XKR4: variants seen among roughly 807,000 people sequenced by gnomAD.
XKR4 encodes XK related 4, also known as XK-related protein 4.
XKR4 carries 12 observed loss-of-function variants against 53.9 expected under a neutral mutation model. The ratio of observed to expected loss-of-function variants is 0.22; its 90% CI spans 0.14 to 0.36. The LOEUF is 0.36. XKR4 is among the 10% of genes least tolerant of loss of function. The probability of loss-of-function intolerance (pLI) is 1.00; values close to 1 mark genes in which losing one functional copy is unlikely to be tolerated. For missense variants in XKR4, 799 were observed against 859.5 expected (o/e 0.93, Z 0.88); for synonymous variants, 354 against 362.4 (o/e 0.98, Z 0.26).
chr8:55,388,131 C>A (rs1585550931), intron 2 of XKR4, among the ~76,000 whole-genome samples: 2 of 152,166 alleles, frequency 1.3e-5, no homozygotes, highest in East Asian at 1.9e-4. Flanking sequence ...GGAAGTCAAT[C>A]TCTTTCTACT....
At chr8:55,198,446 A>C (rs1585933330) in intron 1 of XKR4, among the ~76,000 whole-genome samples, 1 of 152,196 alleles carries the variant, frequency 6.6e-6, no homozygotes, top group East Asian at 1.9e-4. Context: ...GGTCTAAGTC[A>C]AGAAAAGTTA....
chr8:55,512,204 T>C (rs1013452417), intron 2 of XKR4, among the ~76,000 whole-genome samples: 5 of 152,146 alleles, frequency 3.3e-5, no homozygotes, highest in Non-Finnish European at 5.9e-5. Context: ...TTCACCCAAG[T>C]ATTGAGATAA....
At chr8:55,129,769 G>A (rs954689093) in intron 1 of XKR4, among the ~76,000 whole-genome samples, 2 of 152,142 alleles carry the variant, frequency 1.3e-5, no homozygotes, top group African/African-American at 4.8e-5. Context: ...AAAGGGTGAG[G>A]GAGGTGGTGG....
At chr8:55,458,082 C>A (rs1805597351) in intron 2 of XKR4, among the ~76,000 whole-genome samples, 1 of 152,180 alleles carries the variant, frequency 6.6e-6, no homozygotes, top group Non-Finnish European at 1.5e-5. Flanking sequence ...GAAACTCAAT[C>A]CATACGAAAA....
rs1807057362 is a variant in XKR4 at position 55,538,203 on chromosome 8, G to A, written c.*13976G>A. On this transcript the variant is annotated 3_prime_UTR_variant, in exon 3 of 3. Transcript: ENST00000327381. ...GAACTGGGAATCTCTGCACAACTGA[G>A]CCCTAATCCCTGGTCCATCTCTCCA... 6.6e-6 allele frequency: 1 copy of A among 152,206 alleles called. No homozygotes were observed. Among genetic ancestry groups the A allele is most frequent in the African/African-American group, 2.4e-5 (1 of 41,432 alleles). 9.4% of individuals were successfully genotyped at this position (152,206 alleles called of 1,614,324 possible).
At chr8:55,409,744 A>C (rs779721429) in intron 2 of XKR4, among the ~76,000 whole-genome samples, 7 of 152,184 alleles carry the variant, frequency 4.6e-5, no homozygotes, top group Non-Finnish European at 8.8e-5. Context: ...ATAAACACTG[A>C]AAATAAAAAT....
At chr8:55,329,464 T>G (rs1213232025) in intron 1 of XKR4, among the ~76,000 whole-genome samples, 1 of 152,090 alleles carries the variant, frequency 6.6e-6, no homozygotes, top group African/African-American at 2.4e-5. Flanking sequence ...CTTCTTCCAA[T>G]GTGGCCCAGG....
At chr8:55,116,865 A>C (rs1437944279) in intron 1 of XKR4, among the ~76,000 whole-genome samples, 1 of 152,022 alleles carries the variant, frequency 6.6e-6, no homozygotes, top group Non-Finnish European at 1.5e-5. Context: ...AGGTGTGGTC[A>C]CCCCACATGG....
At chr8:55,148,537 T>C (rs1176659882) in intron 1 of XKR4, among the ~76,000 whole-genome samples, 1 of 152,210 alleles carries the variant, frequency 6.6e-6, no homozygotes, top group Non-Finnish European at 1.5e-5. Context: ...CTTTTTCTTT[T>C]CAGTTATTGT....
At chr8:55,471,124 C>A (rs1039953992) in intron 2 of XKR4, among the ~76,000 whole-genome samples, 8 of 152,108 alleles carry the variant, frequency 5.3e-5, no homozygotes, top group South Asian at 2.1e-4. Context: ...TCCTTGAGGG[C>A]AGCAGCCACA....
intron 2 of XKR4, among the ~76,000 whole-genome samples, chr8:55,441,179 G>T (rs1485598720): frequency 6.6e-6 from 1 of 152,114 alleles, no homozygotes; most frequent in Non-Finnish European, 1.5e-5. Flanking sequence ...GGTTGAGGAT[G>T]CAGTGAACTG....
chr8:55,294,726 C>T (rs1819077667), intron 1 of XKR4, among the ~76,000 whole-genome samples: 2 of 152,146 alleles, frequency 1.3e-5, no homozygotes, highest in Non-Finnish European at 2.9e-5. Flanking sequence ...ATTTATTTGT[C>T]TAATATTCCT....
intron 1 of XKR4, among the ~76,000 whole-genome samples, chr8:55,145,966 G>A (rs1392758861): frequency 3.9e-5 from 6 of 152,240 alleles, no homozygotes; most frequent in Non-Finnish European, 8.8e-5. Flanking sequence ...TTAGGTTCAT[G>A]TGGTAATGTA....
chr8:55,228,936 C>T (rs577508001), intron 1 of XKR4, among the ~76,000 whole-genome samples: 95 of 151,830 alleles, frequency 6.3e-4, no homozygotes, highest in Non-Finnish European at 1.2e-3. Context: ...AAAGAAAAGC[C>T]TCTGAAAAAC....
intron 1 of XKR4, among the ~76,000 whole-genome samples, chr8:55,105,658 A>G (rs1816133587): frequency 6.6e-6 from 1 of 152,198 alleles, no homozygotes; most frequent in Non-Finnish European, 1.5e-5. Context: ...CATCTAATCT[A>G]ACTATTCTCA....
intron 2 of XKR4, among the ~76,000 whole-genome samples, chr8:55,369,562 AAGGG>A (rs1244620267): frequency 2.6e-3 from 291 of 113,004 alleles, no homozygotes; most frequent in African/African-American, 7.7e-3. Context: ...AAAGGGAAGG[AAGGG>A]AGGGAGGGAG....
Position 55,469,006 on chromosome 8 carries a change from T to C in XKR4, c.1007-54275T>C, listed in dbSNP as rs920939077. Among the ~76,000 whole-genome samples the C allele has an allele frequency of 3.9e-5, 6 of 152,158 alleles. 1 individual carries two copies. The highest frequency in any genetic ancestry group is 1.4e-4 in the African/African-American group (6 of 41,392). ...ACTTGGTTTCCATATTTATTGGATT[T>C]GTACCACAGTCCTTGGTATGCAGGC... On this transcript the variant is annotated intron_variant, in intron 2 of 2. Transcript: ENST00000327381.
rs190734872 is a variant in XKR4 at position 55,528,697 on chromosome 8, G to A, written c.*4470G>A. On this transcript the variant is annotated 3_prime_UTR_variant, in exon 3 of 3. Transcript: ENST00000327381. ...ATGGTGAAAACACAGGAGGACTGGGGTGGTCATTCCTATAATTTCAGTGAC... is the reference window on the plus strand; with the variant it reads ...ATGGTGAAAACACAGGAGGACTGGGATGGTCATTCCTATAATTTCAGTGAC... 6.6e-6 allele frequency: 1 copy of A among 152,264 alleles called. No homozygotes were observed. Among genetic ancestry groups the A allele is most frequent in the East Asian group, 1.9e-4 (1 of 5,184 alleles). The allele number at this position is 152,264 out of a possible 1,614,324, so 9.4% of individuals were successfully genotyped here. A position where few individuals can be genotyped will look rare whatever the true frequency, so the allele number is the denominator to read the frequency against.
At chr8:55,182,283 A>T (rs538644820) in intron 1 of XKR4, among the ~76,000 whole-genome samples, 13 of 151,070 alleles carry the variant, frequency 8.6e-5, no homozygotes, top group African/African-American at 2.7e-4. Flanking sequence ...CAGTTTATCA[A>T]TTTTTTTCTT....
Sources: gnomAD v4.1 joint callset for allele counts (sites outside exome capture counted in the v4.1 genomes callset) on GRCh38, gnomAD v4.1.1 for gene constraint, MANE v1.5 for transcripts, NCBI Gene and HGNC (gene_info 2026-07-23, HGNC 2026-07-21) for gene names.